The following PCDHGB1 variants were observed in gnomAD, a reference collection of about 807,000 sequenced individuals.
PCDHGB1 encodes protocadherin gamma subfamily B, 1, also known as protocadherin gamma-B1.
Under a neutral mutation model 56.6 loss-of-function variants are expected in PCDHGB1, and 34 were observed. That is an observed-to-expected ratio of 0.60 (90% CI 0.46 to 0.80). The LOEUF is 0.80. Among genes scored for constraint, PCDHGB1 ranks in the 30% least tolerant of loss-of-function variants. The pLI is 0.00. For synonymous variants in PCDHGB1, 561 were observed against 505.9 expected, an observed-to-expected ratio of 1.11 and a Z score of -1.46; for missense variants, 1,278 against 1,204.6, an observed-to-expected ratio of 1.06 and a Z score of -0.90.
chr5:141,409,848 G>C (rs149920059), intron 1 of PCDHGB1: 7 of 1,611,904 alleles, frequency 4.3e-6, no homozygotes, highest in Non-Finnish European at 5.9e-6. Context: ...GTGAGCCTGC[G>C]CGTGTTGGTG....
intron 1 of PCDHGB1, chr5:141,393,645 G>A (rs2092814255): frequency 6.2e-7 from 1 of 1,613,752 alleles, no homozygotes; most frequent in Non-Finnish European, 8.5e-7. Flanking sequence ...CGGAAAAGTG[G>A]CATACAAATT....
chr5:141,380,753 C>T (rs976627974), intron 1 of PCDHGB1, among the ~76,000 whole-genome samples: 2 of 152,104 alleles, frequency 1.3e-5, no homozygotes, highest in Non-Finnish European at 2.9e-5. Context: ...GGTACCAAGA[C>T]ACTATAAATT....
intron 1 of PCDHGB1, among the ~76,000 whole-genome samples, chr5:141,473,946 G>A (rs1399816546): frequency 6.6e-6 from 1 of 152,170 alleles, no homozygotes; most frequent in African/African-American, 2.4e-5. Context: ...GCTCAGGCCT[G>A]TAGTCCCATC....
At chr5:141,381,342 T>C (rs931867398) in intron 1 of PCDHGB1, among the ~76,000 whole-genome samples, 3 of 152,254 alleles carry the variant, frequency 2.0e-5, no homozygotes, top group Non-Finnish European at 4.4e-5. Context: ...GAGCTTTCTT[T>C]TCTTTCTGCT....
chr5:141,494,745 G>C, intron 1 of PCDHGB1, 62 bp from the exon 2 acceptor site: 1 of 1,612,802 alleles, frequency 6.2e-7, no homozygotes, highest in Middle Eastern at 1.7e-4. Flanking sequence ...ATCCCTAGGG[G>C]CTCGGGTGAC....
At chr5:141,478,574 C>T (rs2099465133) in intron 1 of PCDHGB1, 1 of 1,586,288 alleles carries the variant, frequency 6.3e-7, no homozygotes, top group Non-Finnish European at 8.6e-7. Flanking sequence ...ATGCTTGACC[C>T]TGTTAGTGCT....
At chr5:141,408,632 G>C (rs2154540395) in intron 1 of PCDHGB1, 3 of 1,613,952 alleles carry the variant, frequency 1.9e-6, no homozygotes, top group Non-Finnish European at 1.7e-6. Flanking sequence ...AGAAATTTTC[G>C]AATCTGCATC....
rs759346998 is a variant in PCDHGB1, at chr5:141,410,849, CTTTTTTTTTT to C, written c.2409+58193_2409+58202del. Reference sequence around the variant, plus strand: ...CAGACTGAAGATATTTTGTCTTTGTCTTTTTTTTTTTTTTTTTTTTTTGAGATGGAGTCTC... The same window carrying C: ...CAGACTGAAGATATTTTGTCTTTGTCTTTTTTTTTTTTGAGATGGAGTCTC... On this transcript the variant is annotated intron_variant, in intron 1 of 3. Coordinates refer to ENST00000523390, the MANE Select transcript of PCDHGB1 (RefSeq NM_018922.3). 8 of 138,182 alleles carry C rather than the reference CTTTTTTTTTT, an allele frequency of 5.8e-5. 2 individuals are homozygous for C. The highest frequency in any genetic ancestry group is 7.3e-5 in the Non-Finnish European group (6 of 82,424). 8.6% of individuals were successfully genotyped at this position (138,182 alleles called of 1,614,324 possible). A position where few individuals can be genotyped will look rare whatever the true frequency, so the allele number is the denominator to read the frequency against.
At chr5:141,376,059 C>T (rs761483041) in intron 1 of PCDHGB1, 2 of 1,613,398 alleles carry the variant, frequency 1.2e-6, no homozygotes, top group South Asian at 1.1e-5. Flanking sequence ...GCCACTGTCA[C>T]GCTCACCGTG....
chr5:141,431,697 G>T lies in PCDHGB1; in HGVS notation c.2410-63110G>T, dbSNP rs1303639699. 6.2e-7 allele frequency: 1 copy of T among 1,614,206 alleles called. No homozygotes were observed. Among genetic ancestry groups the T allele is most frequent in the Admixed American group, 1.7e-5 (1 of 60,024 alleles). ...GGGGAGTTGGACCACGAGGAGTCAG[G>T]ATTCTACCAGATGGAAGTGCAAGCA... On this transcript the variant is annotated intron_variant, in intron 1 of 3. Transcript: ENST00000523390. This position sits in a 1 kb window ranked among gnomAD's most constrained non-coding sequence, Gnocchi z 4.8.
chr5:141,415,078 G>C, intron 1 of PCDHGB1: 1 of 1,613,494 alleles, frequency 6.2e-7, no homozygotes, highest in Non-Finnish European at 8.5e-7. Context: ...CACGGCGCGA[G>C]CCCTGCTGGA....
At chr5:141,463,438 CTTTTTTTTTTTTT>C (rs71576115) in intron 1 of PCDHGB1, among the ~76,000 whole-genome samples, 4 of 103,254 alleles carry the variant, frequency 3.9e-5, no homozygotes, top group South Asian at 3.2e-4. Flanking sequence ...TTTCCTTCTC[CTTTTTTTTTTTTT>C]TTTTTTTTTT....
In PCDHGB1 at chr5:141,490,004, CA is replaced by C; in HGVS notation, c.2410-4802del. 1 of 1,614,174 alleles carries C rather than the reference CA, an allele frequency of 6.2e-7. No individual in the cohort carries two copies. Among genetic ancestry groups the C allele is most frequent in the Admixed American group, 1.7e-5 (1 of 60,034 alleles). ...CTACGTGTGGGAATCCCAGAGAATG[CA>C]CCCATTGGTACTCTGCTGCTCCGCC... On this transcript the variant is annotated intron_variant, in intron 1 of 3. Transcript: ENST00000523390. This position sits in a 1 kb window ranked among gnomAD's most constrained non-coding sequence, Gnocchi z 5.4.
chr5:141,405,467 T>G lies in PCDHGB1; in HGVS notation c.2409+52798T>G. On this transcript the variant is annotated intron_variant, in intron 1 of 3. Transcript: ENST00000523390. The stretch of plus-strand genomic sequence containing the variant: ...CAGAGTCTTACTCTGTTACCCAGGC[T>G]GGAATGCAGTGGTGTGATCTCGGCT... 3.6e-6 allele frequency: 4 copies of G among 1,103,716 alleles called. No individual in the cohort carries two copies. The South Asian group carries it at 6.1e-5, about 17-fold the overall frequency. 68.4% of individuals were successfully genotyped at this position (1,103,716 alleles called of 1,614,324 possible). A position where few individuals can be genotyped will look rare whatever the true frequency, so the allele number is the denominator to read the frequency against.
At position 141,406,382 on chromosome 5, in the gene PCDHGB1, G is replaced by A. The variant is rs189693155; in HGVS notation, c.2409+53713G>A. Reference sequence around the variant, plus strand: ...TTTGTAAGGGTAAACTGATAAAAAGGTAAATGTATTCTTCTTAGAGAAACA... The same window carrying A: ...TTTGTAAGGGTAAACTGATAAAAAGATAAATGTATTCTTCTTAGAGAAACA... On this transcript the variant is annotated intron_variant, in intron 1 of 3. Transcript: ENST00000523390. Among the ~76,000 whole-genome samples, 63 of 152,232 alleles carry A rather than the reference G, an allele frequency of 4.1e-4. 1 individual carries two copies. Among genetic ancestry groups the A allele is most frequent in the African/African-American group, 1.4e-3 (60 of 41,554 alleles).
rs1457765340 is a variant in PCDHGB1 at position 141,491,122 on chromosome 5, G to GT, written c.2410-3684dup. 1 of 1,614,058 alleles carries GT rather than the reference G, an allele frequency of 6.2e-7. No homozygotes were observed. Among genetic ancestry groups the GT allele is most frequent in the Non-Finnish European group, 8.5e-7 (1 of 1,180,036 alleles). Reference sequence around the variant, plus strand: ...CCTCGTGTCTACACACACTGGTGAGGTGCGCACAGCCCGGGCCTTACTGGA... The same window carrying GT: ...CCTCGTGTCTACACACACTGGTGAGGTTGCGCACAGCCCGGGCCTTACTGGA... On this transcript the variant is annotated intron_variant, in intron 1 of 3. Coordinates refer to ENST00000523390, the MANE Select transcript of PCDHGB1 (RefSeq NM_018922.3). The surrounding 1 kb of genome is among the most constrained non-coding windows in gnomAD (Gnocchi z 6.9).
In PCDHGB1 at chr5:141,491,893, G is replaced by A; in HGVS notation, c.2410-2914G>A. The stretch of plus-strand genomic sequence containing the variant: ...GGCCGATTAAGGGATGGGGCTCCGA[G>A]CACCGGGGGTGGTGGCGACTGTGGG... On this transcript the variant is annotated intron_variant, in intron 1 of 3. Transcript: ENST00000523390. This position sits in a 1 kb window ranked among gnomAD's most constrained non-coding sequence, Gnocchi z 6.9. 9 of 1,438,856 alleles carry A rather than the reference G, an allele frequency of 6.3e-6. No individual in the cohort carries two copies. Among genetic ancestry groups the A allele is most frequent in the Non-Finnish European group, 8.3e-6 (9 of 1,088,104 alleles). 89.1% of individuals were successfully genotyped at this position (1,438,856 alleles called of 1,614,324 possible). A position where few individuals can be genotyped will look rare whatever the true frequency, so the allele number is the denominator to read the frequency against.
chr5:141,455,725 C>T (rs1001661569), intron 1 of PCDHGB1, among the ~76,000 whole-genome samples: 4 of 152,136 alleles, frequency 2.6e-5, no homozygotes, highest in South Asian at 2.1e-4. Context: ...TAATGGCCTG[C>T]ATTTGCATAT....
chr5:141,362,408 C>T lies in PCDHGB1; in HGVS notation c.2409+9739C>T, dbSNP rs756452261. ...TATTCCTACAACCTGTGTGTTGCCT[C>T]ACAATCAGCCAAGACAGAGTTCAAT... On this transcript the variant is annotated intron_variant, in intron 1 of 3. Transcript: ENST00000523390. The T allele has an allele frequency of 1.2e-4, 193 of 1,613,924 alleles. 1 individual carries two copies. The Admixed American group carries it at 3.2e-3, about 27-fold the overall frequency.
Sources: gnomAD v4.1 joint callset for allele counts (sites outside exome capture counted in the v4.1 genomes callset) on GRCh38, gnomAD v4.1.1 for gene constraint, Gnocchi (gnomAD v3.1) non-coding constraint, MANE v1.5 for transcripts, NCBI Gene and HGNC (gene_info 2026-07-23, HGNC 2026-07-21) for gene names.